ULK4: variants seen among roughly 807,000 people sequenced by gnomAD.
ULK4 encodes the protein unc-51 like kinase 4, also known as inactive serine/threonine-protein kinase ULK4.
In ULK4, 133 loss-of-function variants were observed where a neutral mutation model predicts 160.6. That is an observed-to-expected ratio of 0.83 (90% confidence interval 0.72 to 0.96). The LOEUF is 0.96. ULK4 is among the 40% of genes least tolerant of loss of function. ULK4 has a pLI of 0.00. For missense variants in ULK4, 1,580 were observed against 1,499.5 expected, an observed-to-expected ratio of 1.05 and a Z score of -0.89; for synonymous variants, 534 against 539.8, an observed-to-expected ratio of 0.99 and a Z score of 0.15.
At chr3:41,596,086 T>C (rs575066595) in intron 31 of ULK4, among the ~76,000 whole-genome samples, 4 of 152,312 alleles carry the variant, frequency 2.6e-5, no homozygotes, top group East Asian at 1.9e-4. Context: ...AGGGATACTC[T>C]AGTCATTACA....
chr3:41,729,709 C>T (rs2037763265), intron 22 of ULK4, among the ~76,000 whole-genome samples: 1 of 152,220 alleles, frequency 6.6e-6, no homozygotes, highest in Non-Finnish European at 1.5e-5. Context: ...GCCCTGCACT[C>T]CCTTGATGTA....
chr3:41,841,095 CA>C (rs2041907570), intron 17 of ULK4, among the ~76,000 whole-genome samples: 1 of 144,730 alleles, frequency 6.9e-6, no homozygotes, highest in African/African-American at 2.6e-5. Flanking sequence ...CGCCTCTGCC[CA>C]GCCGCCACCC....
At chr3:41,914,251 TA>T (rs1236995360) in intron 8 of ULK4, among the ~76,000 whole-genome samples, 1 of 152,282 alleles carries the variant, frequency 6.6e-6, no homozygotes, top group African/African-American at 2.4e-5. Flanking sequence ...CTGTATTAAA[TA>T]AAATTACTTC....
At chr3:41,643,406 A>C (rs1016767501) in intron 30 of ULK4, among the ~76,000 whole-genome samples, 1 of 152,246 alleles carries the variant, frequency 6.6e-6, no homozygotes, top group South Asian at 2.1e-4. Flanking sequence ...AACTTTCTAC[A>C]TATGGCTAGC....
chr3:41,621,855 AT>A (rs1261089570), intron 30 of ULK4, among the ~76,000 whole-genome samples: 1 of 152,104 alleles, frequency 6.6e-6, no homozygotes, highest in African/African-American at 2.4e-5. Context: ...AATTTTTGCA[AT>A]TTTTCTGTGT....
chr3:41,913,772 G>A (rs1467414087), intron 8 of ULK4, among the ~76,000 whole-genome samples: 2 of 152,064 alleles, frequency 1.3e-5, no homozygotes, highest in Admixed American at 1.3e-4. Context: ...AGGCCAGCCT[G>A]GACAATGTGG....
rs372771647 is a variant in ULK4, at chr3:41,911,621, T to C, written c.935A>G (p.Lys312Arg). Residue 312 changes from lysine (K) to arginine (R), a missense_variant, in exon 10 of 37, where the codon AAG (lysine) becomes AGG (arginine). Lys to Arg is a conservative substitution (Grantham distance 26, BLOSUM62 2). Transcript: ENST00000301831. Reference protein sequence around the residue: ...TMECSGPQDSKELLQNSQSRQ... With the variant: ...TMECSGPQDSRELLQNSQSRQ... ...ACTCTGAGAGTTCTGCAAAAGCTCC[T>C]TGGAATCTTGTGGCCCAGAACACTC... The C allele has an allele frequency of 6.8e-6, 11 of 1,613,866 alleles. No homozygotes were observed. The highest frequency in any genetic ancestry group is 9.3e-6 in the Non-Finnish European group (11 of 1,180,048).
At chr3:41,492,786 T>C (rs2084834068) in intron 32 of ULK4, among the ~76,000 whole-genome samples, 1 of 148,820 alleles carries the variant, frequency 6.7e-6, no homozygotes, top group Non-Finnish European at 1.5e-5. Context: ...TCCTAGTCTC[T>C]GATAAAACAG....
chr3:41,897,764 C>T (rs1433459493), intron 14 of ULK4, among the ~76,000 whole-genome samples: 2 of 152,048 alleles, frequency 1.3e-5, no homozygotes, highest in East Asian at 1.9e-4. Context: ...CCAATATAAA[C>T]CCTTAGCTGG....
chr3:41,497,118 G>T (rs893717340), intron 32 of ULK4, among the ~76,000 whole-genome samples: 1 of 151,036 alleles, frequency 6.6e-6, no homozygotes, highest in Non-Finnish European at 1.5e-5. Flanking sequence ...TATGTTGAAA[G>T]ACATAAAAAG....
At chr3:41,803,755 A>C (rs935480020) in intron 19 of ULK4, among the ~76,000 whole-genome samples, 7 of 151,922 alleles carry the variant, frequency 4.6e-5, no homozygotes, top group Non-Finnish European at 8.8e-5. Flanking sequence ...TTGTCCTTGC[A>C]ATAGTTTACT....
intron 32 of ULK4, among the ~76,000 whole-genome samples, chr3:41,478,175 G>A (rs906966129): frequency 6.6e-6 from 1 of 152,106 alleles, no homozygotes; most frequent in Admixed American, 6.6e-5. Flanking sequence ...TCTAGTCAGG[G>A]GAAGGACATC....
chr3:41,637,502 T>C (rs767611223), intron 30 of ULK4, among the ~76,000 whole-genome samples: 2 of 152,224 alleles, frequency 1.3e-5, no homozygotes, highest in African/African-American at 2.4e-5. Flanking sequence ...GAAATGAACA[T>C]GGGAGTGCAA....
At chr3:41,675,906 T>C (rs1455576655) in intron 29 of ULK4, among the ~76,000 whole-genome samples, 1 of 152,218 alleles carries the variant, frequency 6.6e-6, no homozygotes, top group Non-Finnish European at 1.5e-5. Context: ...TGTTTTAAGA[T>C]AGTTGGTTTA....
At chr3:41,794,985 T>C (rs1339263480) in intron 20 of ULK4, among the ~76,000 whole-genome samples, 4 of 152,072 alleles carry the variant, frequency 2.6e-5, no homozygotes, top group East Asian at 3.9e-4. Context: ...ACCAAAGAGG[T>C]AGGCAAGGGC....
chr3:41,308,038 AG>A (rs1211570490), intron 35 of ULK4, among the ~76,000 whole-genome samples: 3 of 152,168 alleles, frequency 2.0e-5, no homozygotes, highest in Non-Finnish European at 2.9e-5. Flanking sequence ...CCATGCCCTC[AG>A]GAACAGAGTA....
chr3:41,696,664 G>A (rs2036513637), intron 27 of ULK4, among the ~76,000 whole-genome samples: 1 of 151,988 alleles, frequency 6.6e-6, no homozygotes, highest in Admixed American at 6.6e-5. Context: ...GACCCTGTGG[G>A]GCTGGTCCCT....
chr3:41,460,915 A>T (rs1575253879), intron 33 of ULK4, among the ~76,000 whole-genome samples: 1 of 152,156 alleles, frequency 6.6e-6, no homozygotes, highest in Non-Finnish European at 1.5e-5. Flanking sequence ...CCGAGGTTAC[A>T]GAGGTGGGGA....
chr3:41,884,019 G>A (rs1697626255), intron 16 of ULK4, 67 bp from the exon 17 acceptor site: 1 of 1,111,536 alleles, frequency 9.0e-7, no homozygotes, highest in South Asian at 1.3e-5. Flanking sequence ...ATCCCAGCTA[G>A]TTACATTATG....
Sources: gnomAD v4.1 joint callset for allele counts (sites outside exome capture counted in the v4.1 genomes callset) on GRCh38, gnomAD v4.1.1 for gene constraint, MANE v1.5 for transcripts, NCBI Gene and HGNC (gene_info 2026-07-23, HGNC 2026-07-21) for gene names.